CNGB3: variants seen among roughly 807,000 people sequenced by gnomAD.
The protein encoded by CNGB3 is cyclic nucleotide gated channel subunit beta 3.
Under a neutral mutation model 92.8 loss-of-function variants are expected in CNGB3, and 86 were observed. The ratio of observed to expected loss-of-function variants is 0.93; its 90% CI spans 0.78 to 1.11. The LOEUF (loss-of-function observed/expected upper bound fraction) is 1.11. Among genes scored for constraint, CNGB3 ranks in the 50% least tolerant of loss-of-function variants. CNGB3 has a pLI of 0.00. For missense variants in CNGB3, 1,026 were observed against 956.8 expected, an observed-to-expected ratio of 1.07 and a Z score of -0.95; for synonymous variants, 333 against 332.7, an observed-to-expected ratio of 1.00 and a Z score of -0.01.
Position 86,647,865 on chromosome 8 carries a change from G to A in CNGB3, c.926C>T (p.Pro309Leu), listed in dbSNP as rs1554612145. Reference sequence around the variant, plus strand: ...AAAGAAGAGGTAGCAAATATCAAATGGTATTATTGATGCGACATCCAACTG... The same window carrying A: ...AAAGAAGAGGTAGCAAATATCAAATAGTATTATTGATGCGACATCCAACTG... ...KFQLDVASII[P>L]FDICYLFFGF... The change falls in exon 8 of 18, where the codon CCA becomes CTA. Residue 309 changes from proline to leucine, a missense_variant. Coordinates refer to ENST00000320005, the MANE Select transcript of CNGB3 (RefSeq NM_019098.5). 1 of 1,596,120 alleles carries A rather than the reference G, an allele frequency of 6.3e-7. No individual in the cohort carries two copies. The highest frequency in any genetic ancestry group is 1.1e-5 in the South Asian group (1 of 90,622).
intron 14 of CNGB3, among the ~76,000 whole-genome samples, chr8:86,607,384 A>G (rs1822430221): frequency 3.3e-5 from 5 of 152,198 alleles, no homozygotes; most frequent in Admixed American, 3.3e-4. Context: ...ATGAAAAAAC[A>G]AGAGCTTCAT....
chr8:86,698,768 G>T (rs974636467), intron 3 of CNGB3, among the ~76,000 whole-genome samples: 1 of 152,092 alleles, frequency 6.6e-6, no homozygotes, highest in Non-Finnish European at 1.5e-5. Flanking sequence ...AGAGGTGAAG[G>T]TTTGAAAATA....
intron 3 of CNGB3, among the ~76,000 whole-genome samples, chr8:86,721,549 A>C (rs1238549773): frequency 1.3e-5 from 2 of 152,136 alleles, no homozygotes; most frequent in Non-Finnish European, 2.9e-5. Flanking sequence ...AAACCTATTG[A>C]AATAAAAAAT....
At chr8:86,696,310 G>A (rs914590377) in intron 3 of CNGB3, among the ~76,000 whole-genome samples, 2 of 152,166 alleles carry the variant, frequency 1.3e-5, no homozygotes, top group Non-Finnish European at 1.5e-5. Flanking sequence ...AGAGAGTACA[G>A]CTGCAGTAGT....
rs1171175100 is a variant in CNGB3, at chr8:86,604,158, A to G, written c.1716T>C (p.Leu572=). 1.9e-6 allele frequency: 3 copies of G among 1,613,776 alleles called. No homozygotes were observed. Among genetic ancestry groups the G allele is most frequent in the East Asian group, 2.2e-5 (1 of 44,850 alleles). Residue 572 remains leucine, a synonymous_variant, in exon 15 of 18, where the codon CTT becomes CTC. Transcript: ENST00000320005. ...GAACTTTAGTACCATCAGGGCCTCC[A>G]AGAACTTGGACTTCTCCATGCTTGA... ...YIIKHGEVQV[L]GGPDGTKVLV...
chr8:86,636,415 T>C (rs2131588613), intron 10 of CNGB3, among the ~76,000 whole-genome samples: 1 of 151,340 alleles, frequency 6.6e-6, no homozygotes, highest in South Asian at 2.1e-4. Context: ...CTACTTAAAA[T>C]ACAAAAAGTA....
At chr8:86,730,052 C>A (rs1193091250) in intron 2 of CNGB3, among the ~76,000 whole-genome samples, 1 of 152,176 alleles carries the variant, frequency 6.6e-6, no homozygotes. Flanking sequence ...GTTGCCTTTA[C>A]TGAATGTGCA....
At chr8:86,653,549 C>T (rs1287912609) in intron 7 of CNGB3, among the ~76,000 whole-genome samples, 2 of 152,022 alleles carry the variant, frequency 1.3e-5, no homozygotes, top group Non-Finnish European at 2.9e-5. Flanking sequence ...TAATTATGGG[C>T]AATAAAACGT....
At chr8:86,599,738 G>A (rs1033815915) in intron 15 of CNGB3, among the ~76,000 whole-genome samples, 7 of 152,066 alleles carry the variant, frequency 4.6e-5, no homozygotes, top group South Asian at 2.1e-4. Context: ...TGGTCAGACC[G>A]GTTGTCTGCT....
chr8:86,633,405 G>T (rs1303046701), intron 10 of CNGB3, among the ~76,000 whole-genome samples: 1 of 152,054 alleles, frequency 6.6e-6, no homozygotes, highest in Non-Finnish European at 1.5e-5. Flanking sequence ...GAGCTGGGAA[G>T]ATTGGAACAG....
rs769081032 is a variant in CNGB3, at chr8:86,625,998, T to C, written c.1563A>G (p.Lys521=). The change falls in exon 13 of 18, where the codon AAA becomes AAG. Residue 521 remains lysine (K), a synonymous_variant. Coordinates refer to ENST00000320005, the MANE Select transcript of CNGB3 (RefSeq NM_019098.5). The stretch of plus-strand genomic sequence containing the variant: ...AAGCACTTGCCTTGAACAAGTCGAC[T>C]TTGCTGATGATGCTGAAGTTCACAT... ...AIDVNFSIIS[K]VDLFKGCDTQ... The C allele has an allele frequency of 1.2e-6, 2 of 1,613,698 alleles. No homozygotes were observed. The highest frequency in any genetic ancestry group is 1.7e-6 in the Non-Finnish European group (2 of 1,179,774).
intron 3 of CNGB3, among the ~76,000 whole-genome samples, chr8:86,699,894 T>G (rs1824519898): frequency 6.6e-6 from 1 of 152,168 alleles, no homozygotes; most frequent in Non-Finnish European, 1.5e-5. Flanking sequence ...TTTCCTTTCC[T>G]ACTTTTTTTC....
intron 15 of CNGB3, among the ~76,000 whole-genome samples, chr8:86,589,104 A>C (rs1042623246): frequency 4.0e-4 from 61 of 151,820 alleles, no homozygotes; most frequent in African/African-American, 1.5e-3. Flanking sequence ...CATTTCTTCT[A>C]GATTTTCTAG....
At chr8:86,587,929 A>G (rs1239323375) in intron 15 of CNGB3, among the ~76,000 whole-genome samples, 1 of 152,038 alleles carries the variant, frequency 6.6e-6, no homozygotes, top group Non-Finnish European at 1.5e-5. Context: ...TACCTTGGGC[A>G]GTATGGCCAT....
intron 11 of CNGB3, among the ~76,000 whole-genome samples, chr8:86,629,916 T>C (rs967660432): frequency 6.6e-6 from 1 of 152,116 alleles, no homozygotes; most frequent in African/African-American, 2.4e-5. Context: ...TGACTGTGGG[T>C]TTATACTAGG....
intron 15 of CNGB3, chr8:86,593,976 T>C: frequency 2.1e-6 from 1 of 471,662 alleles, no homozygotes; most frequent in South Asian, 1.9e-5. Flanking sequence ...AGCGAGAACT[T>C]GTTGAACATC....
chr8:86,607,848 AT>A (rs775473629), intron 14 of CNGB3, among the ~76,000 whole-genome samples: 3 of 152,054 alleles, frequency 2.0e-5, no homozygotes, highest in Non-Finnish European at 4.4e-5. Flanking sequence ...AATTGAACGT[AT>A]TTTTTTCCTT....
At chr8:86,671,354 G>A (rs1441240) in intron 3 of CNGB3, among the ~76,000 whole-genome samples, 1,601 of 152,286 alleles carry the variant, frequency 0.011, 25 homozygotes, top group African/African-American at 0.035. Flanking sequence ...CAGTGATTCT[G>A]TTATTACATT....
intron 4 of CNGB3, among the ~76,000 whole-genome samples, chr8:86,670,712 C>A (rs576943445): frequency 6.6e-6 from 1 of 152,054 alleles, no homozygotes; most frequent in Non-Finnish European, 1.5e-5. Context: ...CTGCACCCTG[C>A]CAGGTGTGAG....
Sources: gnomAD v4.1 joint callset for allele counts (sites outside exome capture counted in the v4.1 genomes callset) on GRCh38, gnomAD v4.1.1 for gene constraint, MANE v1.5 for transcripts, NCBI Gene and HGNC (gene_info 2026-07-23, HGNC 2026-07-21) for gene names.